MAP3K15: variants seen among roughly 807,000 people sequenced by gnomAD.
The protein encoded by MAP3K15 is MAPK/ERK kinase kinase 15.
MAP3K15 carries 124 observed loss-of-function variants against 99.5 expected under a neutral mutation model. That is an observed-to-expected ratio of 1.25 (90% CI 1.08 to 1.45). MAP3K15 has a LOEUF of 1.45. MAP3K15 is among the 40% of genes most tolerant of loss of function. The pLI is 0.00. For synonymous variants in MAP3K15, 494 were observed against 439.6 expected (o/e 1.12, Z -1.55); for missense variants, 1,242 against 1,079.7 (o/e 1.15, Z -2.11).
intron 6 of MAP3K15, among the ~76,000 whole-genome samples, chrX:19,447,035 T>G (rs1168278962): frequency 9.0e-6 from 1 of 110,660 alleles, no homozygotes; most frequent in Admixed American, 9.7e-5. Context: ...CCTGCCTCAG[T>G]CTCCTGAGTA....
intron 3 of MAP3K15, among the ~76,000 whole-genome samples, chrX:19,480,023 T>C (rs1467886709): frequency 9.0e-6 from 1 of 111,673 alleles, no homozygotes; most frequent in East Asian, 2.8e-4. Context: ...AGAAAACAAT[T>C]CCATTCGCAA....
At chrX:19,369,967 G>C (rs995110251) in intron 24 of MAP3K15, among the ~76,000 whole-genome samples, 18 of 111,256 alleles carry the variant, frequency 1.6e-4, no homozygotes, top group African/African-American at 5.9e-4. Context: ...ACCCAAGCCT[G>C]TGCCGTTTTA....
At chrX:19,473,436 A>G (rs961890231) in intron 3 of MAP3K15, among the ~76,000 whole-genome samples, 2 of 112,523 alleles carry the variant, frequency 1.8e-5, no homozygotes, top group Non-Finnish European at 3.8e-5. Context: ...CACATGTTCA[A>G]TAGCAAACTA....
chrX:19,472,211 G>A (rs866457920), intron 3 of MAP3K15, among the ~76,000 whole-genome samples: 5 of 105,625 alleles, frequency 4.7e-5, no homozygotes, highest in South Asian at 4.2e-4. Context: ...GCCATAGAGC[G>A]AGACTCTGTC....
intron 6 of MAP3K15, among the ~76,000 whole-genome samples, chrX:19,453,794 C>A (rs2064074091): frequency 8.9e-6 from 1 of 112,104 alleles, no homozygotes; most frequent in Admixed American, 9.5e-5. Context: ...CATCATTTTT[C>A]TACATTTGAC....
chrX:19,492,774 C>G (rs895963337), intron 1 of MAP3K15, among the ~76,000 whole-genome samples: 8 of 110,869 alleles, frequency 7.2e-5, no homozygotes, highest in African/African-American at 2.6e-4. Context: ...TGAGACCAGC[C>G]TACCCAACGT....
intron 10 of MAP3K15, 68 bp downstream of exon 10, chrX:19,415,039 T>C (rs999945731): frequency 1.0e-4 from 99 of 944,753 alleles, no homozygotes; most frequent in African/African-American, 7.5e-4. Context: ...GAGTATTCAA[T>C]AGTTAAATAG....
intron 25 of MAP3K15, among the ~76,000 whole-genome samples, chrX:19,364,877 G>A (rs57590612): frequency 0.048 from 3,887 of 81,325 alleles, 215 homozygotes; most frequent in African/African-American, 0.2. Flanking sequence ...TGGGCAACAA[G>A]AGCGAAACTC....
intron 1 of MAP3K15, among the ~76,000 whole-genome samples, chrX:19,504,573 T>C (rs1378911937): frequency 8.9e-6 from 1 of 112,058 alleles, no homozygotes; most frequent in African/African-American, 3.2e-5. Flanking sequence ...GCTAGCCTTA[T>C]TTTAAACCAT....
At chrX:19,389,301 T>TA (rs34025622) in intron 18 of MAP3K15, among the ~76,000 whole-genome samples, 7,622 of 62,768 alleles carry the variant, frequency 0.12, 645 homozygotes, top group African/African-American at 0.26. Context: ...ATAAGGCTGC[T>TA]AAAAAAAAAA....
At chrX:19,387,369 C>A (rs1175698031) in intron 18 of MAP3K15, among the ~76,000 whole-genome samples, 1 of 111,647 alleles carries the variant, frequency 9.0e-6, no homozygotes, top group East Asian at 2.8e-4. Flanking sequence ...TAGGGTTTAT[C>A]TTTTATTTGT....
At chrX:19,449,222 A>G (rs1413735401) in intron 6 of MAP3K15, among the ~76,000 whole-genome samples, 1 of 110,158 alleles carries the variant, frequency 9.1e-6, no homozygotes, top group Non-Finnish European at 1.9e-5. Flanking sequence ...ATGAGGGATA[A>G]ATGGAGGAGC....
At chrX:19,364,322 T>C (rs888639160) in intron 25 of MAP3K15, among the ~76,000 whole-genome samples, 4 of 112,044 alleles carry the variant, frequency 3.6e-5, no homozygotes, top group African/African-American at 9.7e-5. Flanking sequence ...AGCTCAGGCA[T>C]AGCATGCCTT....
At chrX:19,391,357 G>C (rs2063525570) in intron 18 of MAP3K15, among the ~76,000 whole-genome samples, 1 of 111,472 alleles carries the variant, frequency 9.0e-6, no homozygotes, top group Admixed American at 9.6e-5. Flanking sequence ...CCATCTTGCT[G>C]ATTGGTTGAG....
At chrX:19,458,029 C>T (rs1229362636) in intron 5 of MAP3K15, among the ~76,000 whole-genome samples, 1 of 112,322 alleles carries the variant, frequency 8.9e-6, no homozygotes, top group African/African-American at 3.2e-5. Flanking sequence ...GCCAAGTCCC[C>T]TCTTAGCAGT....
At chrX:19,456,495 CA>C (rs2064093865) in intron 6 of MAP3K15, among the ~76,000 whole-genome samples, 1 of 112,161 alleles carries the variant, frequency 8.9e-6, no homozygotes, top group African/African-American at 3.2e-5. Context: ...CAAAGGAGCA[CA>C]AGGGAACTTC....
intron 19 of MAP3K15, among the ~76,000 whole-genome samples, chrX:19,379,229 G>GA (rs1334270968): frequency 9.1e-6 from 1 of 110,055 alleles, no homozygotes; most frequent in Admixed American, 9.8e-5. Flanking sequence ...CAAGGACCTG[G>GA]AAGCCATCTC....
chrX:19,428,892 C>T (rs756375829), intron 7 of MAP3K15, among the ~76,000 whole-genome samples: 2 of 110,700 alleles, frequency 1.8e-5, no homozygotes, highest in Admixed American at 1.9e-4. Flanking sequence ...TTGCTTGAAC[C>T]AGGGAGGTGG....
chrX:19,382,495 C>T (rs931225426), intron 18 of MAP3K15, among the ~76,000 whole-genome samples: 5 of 111,621 alleles, frequency 4.5e-5, no homozygotes, highest in Non-Finnish European at 9.4e-5. Context: ...GCTAGTGAGA[C>T]TGAAGAAATG....
Sources: allele counts gnomAD v4.1 joint callset (sites outside exome capture counted in the v4.1 genomes callset), GRCh38; gene constraint gnomAD v4.1.1; transcripts MANE v1.5; gene names NCBI Gene and HGNC (gene_info 2026-07-23, HGNC 2026-07-21).